The following CACNA1G variants were observed in gnomAD, a reference collection of about 807,000 sequenced individuals.
CACNA1G encodes the protein voltage-dependent T-type calcium channel subunit alpha-1G.
CACNA1G carries 67 observed loss-of-function variants against 219.4 expected under a neutral mutation model. The observed-to-expected ratio is 0.31, with a 90% CI of 0.25 to 0.37. The LOEUF (loss-of-function observed/expected upper bound fraction) is 0.37. CACNA1G is among the 10% of genes least tolerant of loss of function. The pLI, the probability that CACNA1G is intolerant of heterozygous loss-of-function variation, is 1.00. For missense variants in CACNA1G, 2,380 were observed against 3,231.4 expected (o/e 0.74, Z 6.39); for synonymous variants, 1,296 against 1,345.3 (o/e 0.96, Z 0.80).
Position 50,575,946 on chromosome 17 carries a change from C to A in CACNA1G, c.1544C>A (p.Pro515His). 1 of 1,551,680 alleles carries A rather than the reference C, an allele frequency of 6.4e-7. No individual in the cohort carries two copies. The highest frequency in any genetic ancestry group is 2.4e-5 in the East Asian group (1 of 41,156). Reference sequence around the variant, plus strand: ...CTGGGCAATGGGACGCTCAGGGCCCCCCGGGCCAGCCCGGAGATCCAGGAC... The same window carrying A: ...CTGGGCAATGGGACGCTCAGGGCCCACCGGGCCAGCCCGGAGATCCAGGAC... ...YHLGNGTLRA[P>H]RASPEIQDRD... The change falls in exon 8 of 38, where the codon CCC (proline) becomes CAC (histidine). Residue 515 changes from proline to histidine, a missense_variant. Pro to His is a moderately conservative substitution (Grantham distance 77). Coordinates refer to ENST00000359106, the MANE Select transcript of CACNA1G (RefSeq NM_018896.5).
intron 26 of CACNA1G, among the ~76,000 whole-genome samples, chr17:50,610,719 A>G (rs1175473790): frequency 6.6e-6 from 1 of 152,124 alleles, no homozygotes; most frequent in African/African-American, 2.4e-5. Context: ...CCCAGTTATC[A>G]TCTCCTCCAA....
At chr17:50,576,887 A>C (rs1213873159) in intron 8 of CACNA1G, among the ~76,000 whole-genome samples, 2 of 152,210 alleles carry the variant, frequency 1.3e-5, no homozygotes, top group African/African-American at 2.4e-5. Context: ...GCCTCCGCAC[A>C]GGGAGACCCA....
At position 50,626,981 on chromosome 17, in the gene CACNA1G, GT is replaced by G. The variant is rs1199638461; in HGVS notation, c.*232del. ...GAAGGAGAGGCCCGGTGCAGCTGAGGTTCCCGACACCAGAAGCTGTTGGGAG... is the reference window on the plus strand; with the variant it reads ...GAAGGAGAGGCCCGGTGCAGCTGAGGTCCCGACACCAGAAGCTGTTGGGAG... On this transcript the variant is annotated 3_prime_UTR_variant, in exon 38 of 38. Transcript: ENST00000359106. This position sits in a 1 kb window ranked among gnomAD's most constrained non-coding sequence, Gnocchi z 4.3. 5.8e-6 allele frequency: 4 copies of G among 688,488 alleles called. No individual in the cohort carries two copies. Among genetic ancestry groups the G allele is most frequent in the Non-Finnish European group, 1.1e-5 (4 of 377,718 alleles). 42.6% of individuals were successfully genotyped at this position (688,488 alleles called of 1,614,324 possible).
At chr17:50,602,931 G>T (rs370904102) in intron 20 of CACNA1G, 43 bp downstream of exon 20, 5 of 1,612,616 alleles carry the variant, frequency 3.1e-6, no homozygotes, top group Admixed American at 3.3e-5. Context: ...GGTTCCTGGT[G>T]GGGGTGGAGA....
chr17:50,583,265 G>A (rs2042325417), intron 9 of CACNA1G, among the ~76,000 whole-genome samples: 1 of 152,096 alleles, frequency 6.6e-6, no homozygotes, highest in Admixed American at 6.5e-5. Flanking sequence ...CAGCTGACTG[G>A]CCCCAGACAT....
At position 50,576,032 on chromosome 17, in the gene CACNA1G, G is replaced by A; in HGVS notation, c.1630G>A (p.Gly544Arg). Residue 544 changes from glycine (G) to arginine (R), a missense_variant, in exon 8 of 38, where the codon GGG (glycine) becomes AGG (arginine). By Grantham distance (125) the Gly-to-Arg change is moderately radical. Transcript: ENST00000359106. ...ACCACCCTCGACGCCTGCCCTCTCC[G>A]GGGCCCCCCCTGGTGGCGCAGAGTC... ...LPPPSTPALS[G>R]APPGGAESVH... is the part of the protein sequence containing the mutation. 5 of 1,568,944 alleles carry A rather than the reference G, an allele frequency of 3.2e-6. No individual in the cohort carries two copies. The highest frequency in any genetic ancestry group is 1.7e-4 in the Middle Eastern group (1 of 6,016).
chr17:50,618,389 T>A lies in CACNA1G; in HGVS notation c.5427+46T>A, dbSNP rs2051022245. On this transcript the variant is annotated intron_variant, in intron 32 of 37. Coordinates refer to ENST00000359106, the MANE Select transcript of CACNA1G (RefSeq NM_018896.5). This position sits in a 1 kb window ranked among gnomAD's most constrained non-coding sequence, Gnocchi z 5.3. ...TAGGCTCCAGGGAGGCAGCCCCACT[T>A]CCTGAGCTAGGATTCCTTGGGAAGA... 6.3e-7 allele frequency: 1 copy of A among 1,599,292 alleles called. No individual in the cohort carries two copies. Among genetic ancestry groups the A allele is most frequent in the African/African-American group, 1.3e-5 (1 of 74,442 alleles).
chr17:50,602,225 G>C (rs1174203365), intron 19 of CACNA1G, among the ~76,000 whole-genome samples: 1 of 152,122 alleles, frequency 6.6e-6, no homozygotes, highest in Non-Finnish European at 1.5e-5. Flanking sequence ...CCTCCTCTCT[G>C]TGCTCACACC....
intron 16 of CACNA1G, among the ~76,000 whole-genome samples, chr17:50,598,292 G>T (rs2045964260): frequency 6.6e-6 from 1 of 152,366 alleles, no homozygotes; most frequent in African/African-American, 2.4e-5. Context: ...GCCTCCCAAA[G>T]TGCTGGGATT....
At position 50,602,825 on chromosome 17, in the gene CACNA1G, C is replaced by A. The variant is rs770334535; in HGVS notation, c.3921C>A (p.Arg1307=). Residue 1307 remains arginine, a synonymous_variant, in exon 20 of 38, where the codon CGC becomes CGA. Transcript: ENST00000359106. ...CTGCCTCCCCTCTCTTGCAGGAACG[C>A]ATCTTCCTGACCCTCTCCAATTACA... ...RPKIDPHSAE[R]IFLTLSNYIF... is the part of the protein sequence containing the mutation. 5 of 1,613,830 alleles carry A rather than the reference C, an allele frequency of 3.1e-6. No homozygotes were observed. The East Asian group carries it at 1.1e-4, about 36-fold the overall frequency.
At chr17:50,602,932 G>C in intron 20 of CACNA1G, 44 bp downstream of exon 20, 1 of 1,612,830 alleles carries the variant, frequency 6.2e-7, no homozygotes, top group Non-Finnish European at 8.5e-7. Flanking sequence ...GTTCCTGGTG[G>C]GGGTGGAGAC....
At position 50,596,962 on chromosome 17, in the gene CACNA1G, T is replaced by C; in HGVS notation, c.3258+39T>C. On this transcript the variant is annotated intron_variant, in intron 16 of 37. Coordinates refer to ENST00000359106, the MANE Select transcript of CACNA1G (RefSeq NM_018896.5). The surrounding 1 kb of genome is among the most constrained non-coding windows in gnomAD (Gnocchi z 4.8). ...GTGGGTACCCTGATGGTGGGAGATA[T>C]TCCAAGGAGGACAGGAGGAAGAGAG... 6.8e-7 allele frequency: 1 copy of C among 1,475,030 alleles called. No individual in the cohort carries two copies. The highest frequency in any genetic ancestry group is 9.0e-7 in the Non-Finnish European group (1 of 1,105,250). 91.4% of individuals were successfully genotyped at this position (1,475,030 alleles called of 1,614,324 possible).
At chr17:50,594,585 G>A (rs1215878654) in intron 13 of CACNA1G, among the ~76,000 whole-genome samples, 6 of 152,112 alleles carry the variant, frequency 3.9e-5, no homozygotes, top group Non-Finnish European at 8.8e-5. Flanking sequence ...GGCAGTTTCC[G>A]CAACTTCTCC....
Position 50,624,624 on chromosome 17 carries a change from A to G in CACNA1G, c.6399+95A>G, listed in dbSNP as rs527975747. Reference sequence around the variant, plus strand: ...TGACACTTTCATTCTTCCAGCAAATATTTATTGTGTGCCAGTGATGTGCCA... The same window carrying G: ...TGACACTTTCATTCTTCCAGCAAATGTTTATTGTGTGCCAGTGATGTGCCA... On this transcript the variant is annotated intron_variant, in intron 37 of 37. Coordinates refer to ENST00000359106, the MANE Select transcript of CACNA1G (RefSeq NM_018896.5). The G allele has an allele frequency of 6.8e-5, 84 of 1,231,670 alleles. 1 individual carries two copies. In the African/African-American group the frequency reaches 1.1e-3, roughly 16 times the overall value. The allele number at this position is 1,231,670 out of a possible 1,614,324, so 76.3% of individuals were successfully genotyped here.
At chr17:50,602,658 C>T (rs1034420710) in intron 19 of CACNA1G, among the ~76,000 whole-genome samples, 162 bp from the exon 20 acceptor site, 40 of 151,912 alleles carry the variant, frequency 2.6e-4, no homozygotes, top group African/African-American at 9.7e-4. Context: ...GGCACTGGCT[C>T]TGTGCGTGTA....
At position 50,581,395 on chromosome 17, in the gene CACNA1G, T is replaced by TG. The variant is rs202103623; in HGVS notation, c.2301+2838dup. On this transcript the variant is annotated intron_variant, in intron 9 of 37. Transcript: ENST00000359106. ...TCCATTGATCCCGGAATCGATTGGA[T>TG]GGGGGGGCGGGCACTGGAAAGGGTG... 2.4e-4 allele frequency among the ~76,000 whole-genome samples: 37 copies of TG among 151,710 alleles called. No individual in the cohort carries two copies. In the East Asian group the frequency reaches 5.4e-3, roughly 22 times the overall value.
chr17:50,591,218 C>A (rs1054466094), intron 10 of CACNA1G, among the ~76,000 whole-genome samples: 1 of 152,234 alleles, frequency 6.6e-6, no homozygotes, highest in Non-Finnish European at 1.5e-5. Flanking sequence ...AGGATGTGAT[C>A]TCTGGCAGGG....
chr17:50,583,180 G>T (rs943784502), intron 9 of CACNA1G, among the ~76,000 whole-genome samples: 4 of 152,152 alleles, frequency 2.6e-5, no homozygotes, highest in Admixed American at 6.5e-5. Context: ...CCAGTCCCTT[G>T]GTCTCCAGAT....
Position 50,578,065 on chromosome 17 carries a change from G to T in CACNA1G, c.1925-123G>T. On this transcript the variant is annotated intron_variant, in intron 8 of 37. Transcript: ENST00000359106. This position sits in a 1 kb window ranked among gnomAD's most constrained non-coding sequence, Gnocchi z 4.5. The stretch of plus-strand genomic sequence containing the variant: ...ACATTCAGCACCCCTGGCCCACTAA[G>T]TGCCTAGCACCCCATCACTGTAACA... 1 of 1,199,632 alleles carries T rather than the reference G, an allele frequency of 8.3e-7. No individual in the cohort carries two copies. Among genetic ancestry groups the T allele is most frequent in the Non-Finnish European group, 1.1e-6 (1 of 888,708 alleles). 74.3% of individuals were successfully genotyped at this position (1,199,632 alleles called of 1,614,324 possible).
Sources: gnomAD v4.1 joint callset for allele counts (sites outside exome capture counted in the v4.1 genomes callset) on GRCh38, gnomAD v4.1.1 for gene constraint, Gnocchi (gnomAD v3.1) non-coding constraint, MANE v1.5 for transcripts, NCBI Gene and HGNC (gene_info 2026-07-23, HGNC 2026-07-21) for gene names.